The following PRKN variants were observed in gnomAD, a reference collection of about 807,000 sequenced individuals.
The protein encoded by PRKN is parkin RBR E3 ubiquitin protein ligase.
A neutral mutation model predicts 59.5 loss-of-function variants in PRKN; 56 were observed. The ratio of observed to expected loss-of-function variants is 0.94; its 90% CI spans 0.76 to 1.18. PRKN has a LOEUF of 1.18. Ranked by LOEUF, PRKN falls within the 50% of genes most tolerant of loss-of-function variation. The pLI is 0.00. For missense variants in PRKN, 657 were observed against 596.4 expected (o/e 1.10, Z -1.06); for synonymous variants, 250 against 222.1 (o/e 1.13, Z -1.12).
chr6:162,369,746 A>T (rs548225974), intron 2 of PRKN, among the ~76,000 whole-genome samples: 19 of 152,262 alleles, frequency 1.2e-4, no homozygotes, highest in African/African-American at 4.6e-4. Flanking sequence ...GTAGCTGATG[A>T]TGTTTAGGTG....
At chr6:162,579,614 GATACACAC>G (rs1208530801) in intron 1 of PRKN, among the ~76,000 whole-genome samples, 47 of 149,512 alleles carry the variant, frequency 3.1e-4, no homozygotes, top group African/African-American at 1.1e-3. Flanking sequence ...CACACACACA[GATACACAC>G]ATACACACAA....
chr6:162,538,649 C>T lies in PRKN; in HGVS notation c.8-95176G>A, dbSNP rs563308489. 2.6e-4 allele frequency among the ~76,000 whole-genome samples: 40 copies of T among 152,176 alleles called. 1 individual carries two copies. In the South Asian group the frequency reaches 4.1e-3, roughly 16 times the overall value. ...CAGACAGAATCTCTGAGGCAACGAC[C>T]GCGTGTGGGAAGTCAGCCTATTTAA... On this transcript the variant is annotated intron_variant, in intron 1 of 11. Transcript: ENST00000366898.
rs57166297 is a variant in PRKN, at chr6:161,970,399, C to CTATATATATATATA, written c.734+2889_734+2902dup. ...TAAATGGAAAAAGCATGATACGAAA[C>CTATATATATATATA]TATATATATATATATATATATACAT... is the stretch of plus-strand genomic sequence containing the variant. On this transcript the variant is annotated intron_variant, in intron 6 of 11. Transcript: ENST00000366898. Among the ~76,000 whole-genome samples, 3 of 146,348 alleles carry CTATATATATATATA rather than the reference C, an allele frequency of 2.0e-5. No individual in the cohort carries two copies. In the South Asian group the frequency reaches 6.5e-4, roughly 32 times the overall value.
intron 7 of PRKN, among the ~76,000 whole-genome samples, chr6:161,659,586 C>G (rs544489947): frequency 1.3e-5 from 2 of 152,190 alleles, no homozygotes; most frequent in East Asian, 1.9e-4. Flanking sequence ...GGGCGGGACT[C>G]TCACTGGGAA....
At chr6:161,785,038 T>C (rs577943558) in intron 7 of PRKN, among the ~76,000 whole-genome samples, 11 of 152,306 alleles carry the variant, frequency 7.2e-5, no homozygotes, top group African/African-American at 2.4e-4. Context: ...ATTTCTTTTA[T>C]AGGAAATACC....
chr6:161,980,862 T>C (rs2128254253), intron 5 of PRKN, among the ~76,000 whole-genome samples: 1 of 152,312 alleles, frequency 6.6e-6, no homozygotes, highest in East Asian at 1.9e-4. Flanking sequence ...ATTCTCCAAG[T>C]GTCACCCTTT....
Position 161,391,637 on chromosome 6 carries a change from T to C in PRKN, c.1084-4760A>G, listed in dbSNP as rs1786508365. Among the ~76,000 whole-genome samples the C allele has an allele frequency of 6.6e-6, 1 of 152,108 alleles. No homozygotes were observed. The highest frequency in any genetic ancestry group is 2.4e-5 in the African/African-American group (1 of 41,370). ...GGTCCTCAGTTACTCAAGCAGACAC[T>C]AATCTTGGTGTTTCTGTGAAGCTTT... On this transcript the variant is annotated intron_variant, in intron 9 of 11. Transcript: ENST00000366898. The surrounding 1 kb of genome is among the most constrained non-coding windows in gnomAD (Gnocchi z 4.9).
At chr6:162,431,955 T>C (rs1432829176) in intron 2 of PRKN, among the ~76,000 whole-genome samples, 2 of 152,210 alleles carry the variant, frequency 1.3e-5, no homozygotes, top group East Asian at 1.9e-4. Context: ...AGTATGGTTT[T>C]AATAAACTGA....
At chr6:161,553,842 G>A (rs1055139227) in intron 8 of PRKN, among the ~76,000 whole-genome samples, 1 of 152,144 alleles carries the variant, frequency 6.6e-6, no homozygotes, top group African/African-American at 2.4e-5. Context: ...CTATCAAGAT[G>A]AGTTTCCATA....
intron 7 of PRKN, among the ~76,000 whole-genome samples, chr6:161,571,306 C>T (rs560436212): frequency 4.6e-5 from 7 of 152,136 alleles, no homozygotes; most frequent in African/African-American, 1.4e-4. Flanking sequence ...TGAGATAAGA[C>T]CTATGGATTA....
intron 2 of PRKN, among the ~76,000 whole-genome samples, chr6:162,307,611 GA>G (rs1160903124): frequency 6.6e-6 from 1 of 151,928 alleles, no homozygotes; most frequent in South Asian, 2.1e-4. Context: ...AATGTAAGGG[GA>G]AAAAAACAGT....
intron 3 of PRKN, among the ~76,000 whole-genome samples, chr6:162,207,286 C>T (rs550755876): frequency 3.3e-5 from 5 of 152,184 alleles, no homozygotes; most frequent in African/African-American, 9.6e-5. Context: ...GCAGGAGAAT[C>T]GCTTGAACCC....
rs1385918083 is a variant in PRKN at position 161,379,882 on chromosome 6, A to G, written c.1167+6912T>C. Among the ~76,000 whole-genome samples the G allele has an allele frequency of 6.6e-6, 1 of 152,226 alleles. No homozygotes were observed. The highest frequency in any genetic ancestry group is 2.4e-5 in the African/African-American group (1 of 41,460). On this transcript the variant is annotated intron_variant, in intron 10 of 11. Coordinates refer to ENST00000366898, the MANE Select transcript of PRKN (RefSeq NM_004562.3). This position sits in a 1 kb window ranked among gnomAD's most constrained non-coding sequence, Gnocchi z 4.9. ...AGGGTTTTCTTCCTGGAAAACATGT[A>G]CTATTACAATTCCCTACTAAGTGTT... is the stretch of plus-strand genomic sequence containing the variant.
chr6:162,523,238 GT>G (rs1778145233), intron 1 of PRKN, among the ~76,000 whole-genome samples: 1 of 152,228 alleles, frequency 6.6e-6, no homozygotes, highest in Non-Finnish European at 1.5e-5. Context: ...TCACAGGACA[GT>G]GGGAGTCAAG....
At chr6:161,845,324 T>C (rs1317448656) in intron 6 of PRKN, among the ~76,000 whole-genome samples, 1 of 152,086 alleles carries the variant, frequency 6.6e-6, no homozygotes, top group Non-Finnish European at 1.5e-5. Flanking sequence ...ACAAATATCA[T>C]CACTGTCTTC....
chr6:161,779,440 C>CTTTTTT (rs10683923), intron 7 of PRKN, among the ~76,000 whole-genome samples: 7,002 of 40,728 alleles, frequency 0.17, 2,230 homozygotes, highest in Non-Finnish European at 0.2. Flanking sequence ...CTTTTCTTTT[C>CTTTTTT]TTTTTTTTTT....
At chr6:161,783,100 T>A (rs1366394133) in intron 7 of PRKN, among the ~76,000 whole-genome samples, 1 of 152,128 alleles carries the variant, frequency 6.6e-6, no homozygotes. Flanking sequence ...CTGATACTGT[T>A]GTGGGTGCAT....
chr6:161,888,441 A>G (rs1213768351), intron 6 of PRKN, among the ~76,000 whole-genome samples: 1 of 152,036 alleles, frequency 6.6e-6, no homozygotes, highest in African/African-American at 2.4e-5. Flanking sequence ...TTTTCTCCTC[A>G]CACCATACGG....
intron 2 of PRKN, among the ~76,000 whole-genome samples, chr6:162,359,464 C>G (rs1402319803): frequency 1.3e-5 from 2 of 151,834 alleles, no homozygotes; most frequent in East Asian, 1.9e-4. Context: ...GACTTTTAAC[C>G]AATAATCTTT....
Sources: gnomAD v4.1 joint callset for allele counts (sites outside exome capture counted in the v4.1 genomes callset) on GRCh38, gnomAD v4.1.1 for gene constraint, Gnocchi (gnomAD v3.1) non-coding constraint, MANE v1.5 for transcripts, NCBI Gene and HGNC (gene_info 2026-07-23, HGNC 2026-07-21) for gene names.